Variants in CHLSN observed in about 807,000 individuals in gnomAD.
The protein encoded by CHLSN is cholesin.
chr7:1,095,816 T>C, the CHLSN span, among the ~76,000 whole-genome samples: 3 of 152,208 alleles, frequency 2.0e-5, no homozygotes, highest in Non-Finnish European at 4.4e-5. Flanking sequence ...CGGCAACCCC[T>C]GGCGTCTAAC....
chr7:1,075,196 G>A, the CHLSN span, among the ~76,000 whole-genome samples: 1 of 152,188 alleles, frequency 6.6e-6, no homozygotes, highest in Non-Finnish European at 1.5e-5. Context: ...TCTGAGCAAT[G>A]ACAAGCTAGA....
the CHLSN span, among the ~76,000 whole-genome samples, chr7:1,050,820 G>A: frequency 8.7e-4 from 132 of 152,306 alleles, no homozygotes; most frequent in Middle Eastern, 3.4e-3. Context: ...CGGAAACAGC[G>A]ACATCCACAG....
chr7:1,131,507 G>A, the CHLSN span, among the ~76,000 whole-genome samples: 1 of 152,204 alleles, frequency 6.6e-6, no homozygotes, highest in African/African-American at 2.4e-5. Flanking sequence ...TATTCCTATT[G>A]TGGAATCAGA....
the CHLSN span, among the ~76,000 whole-genome samples, chr7:992,348 G>A: frequency 2.0e-5 from 3 of 152,302 alleles, no homozygotes; most frequent in East Asian, 3.9e-4. Context: ...CACAGTCCCC[G>A]AGCCATCTGC....
the CHLSN span, among the ~76,000 whole-genome samples, chr7:1,089,707 C>CTT: frequency 2.3e-3 from 281 of 124,158 alleles, 1 homozygote; most frequent in African/African-American, 4.5e-3. Flanking sequence ...ATAGGCCAGC[C>CTT]TTTTTTTTTT....
chr7:1,023,267 G>A, the CHLSN span, among the ~76,000 whole-genome samples: 3 of 152,212 alleles, frequency 2.0e-5, no homozygotes, highest in Non-Finnish European at 4.4e-5. This position sits in a 1 kb window ranked among gnomAD's most constrained non-coding sequence, Gnocchi z 5.0. Context: ...TGATGTGTGA[G>A]GTGTCCCCAA....
chr7:1,058,764 C>T, the CHLSN span: 1 of 544,814 alleles, frequency 1.8e-6, no homozygotes, highest in Non-Finnish European at 3.3e-6. Context: ...TCAAGGTCCA[C>T]ATCCGCAAAA....
chr7:1,016,797 A>G, the CHLSN span, among the ~76,000 whole-genome samples: 3,353 of 76,932 alleles, frequency 0.044, 419 homozygotes, highest in African/African-American at 0.084. Flanking sequence ...ACACAGCAGC[A>G]CACAGCAGCA....
At chr7:1,063,687 TG>T in the CHLSN span, among the ~76,000 whole-genome samples, 2 of 152,232 alleles carry the variant, frequency 1.3e-5, no homozygotes, top group African/African-American at 4.8e-5. Context: ...TCTGGTATTT[TG>T]TGCCAAGCCA....
At chr7:1,044,511 A>G in the CHLSN span, 2 of 151,762 alleles carry the variant, frequency 1.3e-5, no homozygotes, top group South Asian at 2.1e-4. Context: ...GGGGCCAGGC[A>G]TGGCTGCCGC....
At chr7:1,007,966 G>T in the CHLSN span, among the ~76,000 whole-genome samples, 2 of 152,150 alleles carry the variant, frequency 1.3e-5, no homozygotes, top group African/African-American at 4.8e-5. Flanking sequence ...CCCCTCTCCT[G>T]CCCACGTCCC....
chr7:1,092,860 G>C, the CHLSN span: 1 of 1,610,882 alleles, frequency 6.2e-7, no homozygotes, highest in African/African-American at 1.3e-5. Context: ...CGTGTAGACA[G>C]CCTTGGCCGC....
At chr7:1,103,168 G>A in the CHLSN span, among the ~76,000 whole-genome samples, 5 of 152,212 alleles carry the variant, frequency 3.3e-5, no homozygotes, top group South Asian at 2.1e-4. Context: ...GTGGAACATC[G>A]CAGGCCACAG....
At chr7:1,068,734 G>C in the CHLSN span, among the ~76,000 whole-genome samples, 1 of 152,002 alleles carries the variant, frequency 6.6e-6, no homozygotes, top group African/African-American at 2.4e-5. Context: ...AGCTTGTTTT[G>C]TCTGTTCTTA....
At chr7:1,020,335 C>A in the CHLSN span, among the ~76,000 whole-genome samples, 1 of 152,284 alleles carries the variant, frequency 6.6e-6, no homozygotes, top group African/African-American at 2.4e-5. Flanking sequence ...GCCCAGCACG[C>A]CCACCAAAGG....
the CHLSN span, among the ~76,000 whole-genome samples, chr7:1,005,780 T>C: frequency 0.022 from 3,425 of 152,278 alleles, 131 homozygotes; most frequent in East Asian, 0.19. Flanking sequence ...GCTCTCGTCC[T>C]CCCGCAGGTG....
At chr7:1,006,754 T>A in the CHLSN span, among the ~76,000 whole-genome samples, 5 of 91,718 alleles carry the variant, frequency 5.5e-5, no homozygotes, top group Non-Finnish European at 9.1e-5. Flanking sequence ...GATGGCCACA[T>A]TGCAGGGAAA....
At chr7:1,008,903 T>TACACACAC in the CHLSN span, among the ~76,000 whole-genome samples, 46 of 150,486 alleles carry the variant, frequency 3.1e-4, no homozygotes, top group African/African-American at 8.3e-4. Context: ...TGCACACACG[T>TACACACAC]ACACAACACA....
the CHLSN span, among the ~76,000 whole-genome samples, chr7:1,126,025 G>A: frequency 6.6e-6 from 1 of 152,068 alleles, no homozygotes; most frequent in East Asian, 1.9e-4. Context: ...ATCTTTTTGT[G>A]GAAGATAAAC....
Sources: allele counts gnomAD v4.1 joint callset (sites outside exome capture counted in the v4.1 genomes callset), GRCh38; gene constraint gnomAD v4.1.1; non-coding constraint Gnocchi (gnomAD v3.1); transcripts MANE v1.5; gene names NCBI Gene and HGNC (gene_info 2026-07-23, HGNC 2026-07-21).